Variants in DYRK1A observed in about 807,000 individuals in gnomAD.
DYRK1A encodes the protein dual specificity tyrosine phosphorylation regulated kinase 1A.
A neutral mutation model predicts 79.7 loss-of-function variants in DYRK1A; 9 were observed. The observed-to-expected ratio is 0.11, with a 90% CI of 0.07 to 0.20. DYRK1A has a LOEUF of 0.20. Among genes scored for constraint, DYRK1A ranks in the 10% least tolerant of loss-of-function variants. The pLI, the probability that DYRK1A is intolerant of heterozygous loss-of-function variation, is 1.00. For missense variants in DYRK1A, 622 were observed against 956.0 expected (o/e 0.65, Z 4.61); for synonymous variants, 349 against 329.7 (o/e 1.06, Z -0.63).
At chr21:37,395,445 A>G (rs1026935819) in intron 1 of DYRK1A, among the ~76,000 whole-genome samples, 1 of 152,074 alleles carries the variant, frequency 6.6e-6, no homozygotes, top group Non-Finnish European at 1.5e-5. Flanking sequence ...TCGGAGGGGG[A>G]TGGAAAATCT....
At chr21:37,492,562 AT>A (rs1312561026) in intron 7 of DYRK1A, among the ~76,000 whole-genome samples, 1 of 149,432 alleles carries the variant, frequency 6.7e-6, no homozygotes, top group African/African-American at 2.6e-5. Flanking sequence ...TGAATTTTAA[AT>A]TATATTATAT....
intron 9 of DYRK1A, 135 bp from the exon 10 acceptor site, chr21:37,505,148 A>G (rs2053556166): frequency 1.4e-6 from 1 of 693,362 alleles, no homozygotes. Flanking sequence ...GTGAAAAGGC[A>G]GAGGATTTAA....
At chr21:37,487,240 C>T (rs1306103666) in intron 6 of DYRK1A, 2 of 152,114 alleles carry the variant, frequency 1.3e-5, no homozygotes, top group Non-Finnish European at 2.9e-5. Flanking sequence ...GCCCCATACC[C>T]AGGGTCATAG....
At chr21:37,431,446 A>C (rs1602484023) in intron 2 of DYRK1A, among the ~76,000 whole-genome samples, 1 of 152,172 alleles carries the variant, frequency 6.6e-6, no homozygotes, top group African/African-American at 2.4e-5. Context: ...ATGAGGCTCT[A>C]TTGAAAGTCA....
In DYRK1A at chr21:37,512,375, T is replaced by C; in HGVS notation, c.2109T>C (p.Thr703=). ...LTVYSNPRQE[T]GIAGHPTYQF... ...TCTACTCCAATCCCCGCCAAGAGAC[T>C]GGCATAGCTGGACATCCAACATACC... The change falls in exon 12 of 12, where the codon ACT becomes ACC. Residue 703 remains threonine, a synonymous_variant. Coordinates refer to ENST00000647188, the MANE Select transcript of DYRK1A (RefSeq NM_001347721.2). 6.2e-7 allele frequency: 1 copy of C among 1,614,252 alleles called. No individual in the cohort carries two copies. Among genetic ancestry groups the C allele is most frequent in the Non-Finnish European group, 8.5e-7 (1 of 1,180,046 alleles).
chr21:37,370,280 C>T (rs2049403618), intron 1 of DYRK1A, among the ~76,000 whole-genome samples: 1 of 150,828 alleles, frequency 6.6e-6, no homozygotes. Flanking sequence ...TTTGTTTTCA[C>T]TTGAAAACCT....
At chr21:37,379,970 A>G (rs1249925407) in intron 1 of DYRK1A, among the ~76,000 whole-genome samples, 1 of 152,212 alleles carries the variant, frequency 6.6e-6, no homozygotes, top group African/African-American at 2.4e-5. Flanking sequence ...GGCTGGGGGA[A>G]TCTTTAATAG....
chr21:37,429,097 G>A (rs1175996258), intron 2 of DYRK1A, among the ~76,000 whole-genome samples: 2 of 152,076 alleles, frequency 1.3e-5, no homozygotes, highest in Non-Finnish European at 2.9e-5. Flanking sequence ...ACACAAATAA[G>A]TTAATTTTAA....
At position 37,518,443 on chromosome 21, in the gene DYRK1A, C is replaced by T. The variant is rs1298072542; in HGVS notation, c.*5912C>T. 1.3e-5 allele frequency: 2 copies of T among 152,154 alleles called. No individual in the cohort carries two copies. Among genetic ancestry groups the T allele is most frequent in the African/African-American group, 4.8e-5 (2 of 41,408 alleles). The allele number at this position is 152,154 out of a possible 1,614,324, so 9.4% of individuals were successfully genotyped here. ...CTGCACACTAAACTCATCTGTAGAACTTTATAAAACCACGGATGACCATCA... is the reference window on the plus strand; with the variant it reads ...CTGCACACTAAACTCATCTGTAGAATTTTATAAAACCACGGATGACCATCA... On this transcript the variant is annotated 3_prime_UTR_variant, in exon 12 of 12. Coordinates refer to ENST00000647188, the MANE Select transcript of DYRK1A (RefSeq NM_001347721.2).
In DYRK1A at chr21:37,485,352, C is replaced by T. The variant is rs78869124; in HGVS notation, c.490-1115C>T. On this transcript the variant is annotated intron_variant, in intron 5 of 11. Coordinates refer to ENST00000647188, the MANE Select transcript of DYRK1A (RefSeq NM_001347721.2). ...CTTGGCCACATGTTTACAAGGGTAGCCTCTGTTATAAAAGACCACAGAGAG... is the reference window on the plus strand; with the variant it reads ...CTTGGCCACATGTTTACAAGGGTAGTCTCTGTTATAAAAGACCACAGAGAG... Among the ~76,000 whole-genome samples, 29 of 152,198 alleles carry T rather than the reference C, an allele frequency of 1.9e-4. No individual in the cohort carries two copies. The East Asian group carries it at 5.6e-3, about 29-fold the overall frequency.
intron 2 of DYRK1A, among the ~76,000 whole-genome samples, chr21:37,466,205 G>A (rs2052020273): frequency 6.6e-6 from 1 of 152,166 alleles, no homozygotes; most frequent in South Asian, 2.1e-4. Context: ...ATCCATGCTG[G>A]ATGGTCATTT....
At chr21:37,464,977 A>G (rs2051975680) in intron 2 of DYRK1A, among the ~76,000 whole-genome samples, 1 of 152,244 alleles carries the variant, frequency 6.6e-6, no homozygotes, top group South Asian at 2.1e-4. Flanking sequence ...GAATGAATGG[A>G]TAACTTAAAT....
intron 2 of DYRK1A, among the ~76,000 whole-genome samples, chr21:37,424,873 T>C (rs1434981049): frequency 9.9e-5 from 15 of 152,238 alleles, no homozygotes; most frequent in Admixed American, 9.8e-4. Flanking sequence ...TATGTACCAC[T>C]CTGTACATTA....
At chr21:37,480,529 TAACTCAA>T in intron 4 of DYRK1A, 102 bp from the exon 5 acceptor site, 2 of 817,164 alleles carry the variant, frequency 2.4e-6, no homozygotes, top group Non-Finnish European at 3.7e-6. Context: ...TATTATTTTC[TAACTCAA>T]ATGTCAACTG....
chr21:37,443,217 A>G (rs1262606342), intron 2 of DYRK1A, among the ~76,000 whole-genome samples: 1 of 151,976 alleles, frequency 6.6e-6, no homozygotes, highest in East Asian at 1.9e-4. Flanking sequence ...TGGTGCAATC[A>G]TAACTTACTG....
chr21:37,389,050 T>A (rs9979506), intron 1 of DYRK1A, among the ~76,000 whole-genome samples: 27,918 of 150,000 alleles, frequency 0.19, 2,789 homozygotes, highest in South Asian at 0.37. Flanking sequence ...AAAAAAAAAA[T>A]TTTTTTTTTA....
At chr21:37,435,702 C>T (rs1199034062) in intron 2 of DYRK1A, among the ~76,000 whole-genome samples, 1 of 152,086 alleles carries the variant, frequency 6.6e-6, no homozygotes, top group Non-Finnish European at 1.5e-5. Context: ...AAGTAGCATG[C>T]TTGATTTTTC....
At chr21:37,372,277 C>CA (rs201255451) in intron 1 of DYRK1A, among the ~76,000 whole-genome samples, 1,659 of 105,016 alleles carry the variant, frequency 0.016, 18 homozygotes, top group African/African-American at 0.019. Context: ...AACCCTGTCT[C>CA]AAAAAACAAA....
intron 2 of DYRK1A, among the ~76,000 whole-genome samples, chr21:37,451,561 C>T (rs1034956495): frequency 6.6e-6 from 1 of 150,520 alleles, no homozygotes; most frequent in Admixed American, 6.6e-5. Context: ...GCAGTAGGCT[C>T]TACCGTCTAG....
Sources: gnomAD v4.1 joint callset for allele counts (sites outside exome capture counted in the v4.1 genomes callset) on GRCh38, gnomAD v4.1.1 for gene constraint, MANE v1.5 for transcripts, NCBI Gene and HGNC (gene_info 2026-07-23, HGNC 2026-07-21) for gene names.